Variants in MVB12A observed in about 807,000 individuals in gnomAD.
The protein encoded by MVB12A is multivesicular body subunit 12A.
MVB12A carries 30 observed loss-of-function variants against 34.3 expected under a neutral mutation model. The ratio of observed to expected loss-of-function variants is 0.88; its 90% CI spans 0.65 to 1.19. The LOEUF is 1.19. MVB12A is among the 50% of genes most tolerant of loss of function. The pLI is 0.00. For missense variants in MVB12A, 355 were observed against 369.2 expected (o/e 0.96, Z 0.31); for synonymous variants, 158 against 158.9 (o/e 0.99, Z 0.04).
chr19:17,416,996 A>G (rs1489582071), upstream of MVB12A: 5 of 308,574 alleles, frequency 1.6e-5, no homozygotes, highest in Middle Eastern at 1.2e-3. Context: ...CCTGGCATAG[A>G]AAGTTTTTCT....
rs761983601 is a variant in MVB12A at position 17,424,912 on chromosome 19, C to T, written c.760-19C>T. ...CTTTACTCTGGCACCTGTTCACTCTCTCTCTCCCCATCCCCCAGTATAACT... is the reference window on the plus strand; with the variant it reads ...CTTTACTCTGGCACCTGTTCACTCTTTCTCTCCCCATCCCCCAGTATAACT... On this transcript the variant is annotated intron_variant, in intron 8 of 8. Coordinates refer to ENST00000317040, the MANE Select transcript of MVB12A (RefSeq NM_138401.4). 6.9e-6 allele frequency: 11 copies of T among 1,592,350 alleles called. No individual in the cohort carries two copies. Among genetic ancestry groups the T allele is most frequent in the Non-Finnish European group, 9.4e-6 (11 of 1,167,488 alleles).
upstream of MVB12A, chr19:17,417,801 G>A: frequency 3.6e-6 from 1 of 278,374 alleles, no homozygotes; most frequent in Non-Finnish European, 7.5e-6. Context: ...CATCAAATTT[G>A]GACTTCTCTT....
At chr19:17,415,421 A>G (rs1483504923), upstream of MVB12A, 1 of 152,260 alleles carries the variant, frequency 6.6e-6, no homozygotes, top group East Asian at 1.9e-4. Flanking sequence ...TCAAAAGCAT[A>G]ACAACATAAA....
In MVB12A at chr19:17,423,642, G is replaced by A. The variant is rs1369085854; in HGVS notation, c.533+25G>A. The A allele has an allele frequency of 6.2e-7, 1 of 1,613,522 alleles. No individual in the cohort carries two copies. The highest frequency in any genetic ancestry group is 2.2e-5 in the East Asian group (1 of 44,868). On this transcript the variant is annotated intron_variant, in intron 5 of 8. Transcript: ENST00000317040. ...GGTGAGTCCTCAGGCACCGGAGTGGGGGTGGCCGTTGTGGGAGGATGAGGC... is the reference window on the plus strand; with the variant it reads ...GGTGAGTCCTCAGGCACCGGAGTGGAGGTGGCCGTTGTGGGAGGATGAGGC...
intron 3 of MVB12A, 196 bp downstream of exon 3, chr19:17,420,830 G>T: frequency 1.5e-6 from 1 of 646,970 alleles, no homozygotes; most frequent in Non-Finnish European, 2.8e-6. Context: ...TGTGTGATAT[G>T]ATTGGCACAG....
chr19:17,422,563 T>C lies in MVB12A; in HGVS notation c.413+105T>C, dbSNP rs2074845154. 6.2e-6 allele frequency: 7 copies of C among 1,131,150 alleles called. No homozygotes were observed. The East Asian group carries it at 1.3e-4, about 21-fold the overall frequency. 70.1% of individuals were successfully genotyped at this position (1,131,150 alleles called of 1,614,324 possible). ...CCCTGAGGTCTCCTGTTCCTTCTTCTACCTTCTGAGCCTCAGATTCTGCAT... is the reference window on the plus strand; with the variant it reads ...CCCTGAGGTCTCCTGTTCCTTCTTCCACCTTCTGAGCCTCAGATTCTGCAT... On this transcript the variant is annotated intron_variant, in intron 4 of 8. Coordinates refer to ENST00000317040, the MANE Select transcript of MVB12A (RefSeq NM_138401.4).
At chr19:17,424,753 TC>T in intron 8 of MVB12A, 76 bp downstream of exon 8, 2 of 1,521,572 alleles carry the variant, frequency 1.3e-6, no homozygotes, top group Non-Finnish European at 8.9e-7. Flanking sequence ...CCGCCCCTCG[TC>T]CGCCCCAGGC....
chr19:17,411,738 C>T (rs931680962), intron 2 of MVB12A, among the ~76,000 whole-genome samples: 2 of 152,064 alleles, frequency 1.3e-5, no homozygotes, highest in Middle Eastern at 3.4e-3. Context: ...TCATGTCATC[C>T]TCCTTCCTCA....
intron 2 of MVB12A, chr19:17,412,960 A>C (rs981264208): frequency 2.0e-5 from 3 of 152,170 alleles, no homozygotes; most frequent in African/African-American, 7.2e-5. Context: ...TGTAAACCTA[A>C]GGTTACGTAT....
In MVB12A at chr19:17,410,575, T is replaced by TACAC. The variant is rs1287230364; in HGVS notation, c.-5+4282_-5+4283insCACA. ...ACACACACATATATATACATATATA[T>TACAC]ACATATATATATACACACATATATA... On this transcript the variant is annotated intron_variant, in intron 2 of 6. Transcript: ENST00000528604. Among the ~76,000 whole-genome samples, 28 of 120,730 alleles carry TACAC rather than the reference T, an allele frequency of 2.3e-4. 1 individual carries two copies. Among genetic ancestry groups the TACAC allele is most frequent in the African/African-American group, 8.8e-4 (21 of 23,942 alleles). 79.2% of individuals were successfully genotyped at this position (120,730 alleles called of 152,430 possible).
intron 7 of MVB12A, 132 bp downstream of exon 7, chr19:17,424,199 G>C: frequency 1.2e-6 from 1 of 848,990 alleles, no homozygotes; most frequent in Non-Finnish European, 1.9e-6. Context: ...TCACCTCCAG[G>C]TGGCAGCTGG....
Position 17,420,155 on chromosome 19 carries a change from C to T in MVB12A, c.20C>T (p.Thr7Ile). 5.8e-6 allele frequency: 8 copies of T among 1,386,440 alleles called. No individual in the cohort carries two copies. The highest frequency in any genetic ancestry group is 6.5e-6 in the Non-Finnish European group (7 of 1,076,162). The allele number at this position is 1,386,440 out of a possible 1,614,324, so 85.9% of individuals were successfully genotyped here. The part of the protein sequence containing the change: MDPVPG[T>I]DSAPLAGLAW... Reference sequence around the variant, plus strand: ...CGCAGGATGGATCCCGTACCCGGGACAGACTCGGCGCCGCTGGCTGGCCTG... The same window carrying T: ...CGCAGGATGGATCCCGTACCCGGGATAGACTCGGCGCCGCTGGCTGGCCTG... The change falls in exon 1 of 9, where the codon ACA becomes ATA. Residue 7 changes from threonine (T) to isoleucine (I), a missense_variant. Thr to Ile is a moderately conservative substitution (Grantham distance 89). Transcript: ENST00000317040.
intron 2 of MVB12A, among the ~76,000 whole-genome samples, chr19:17,409,513 A>C (rs576228377): frequency 7.1e-6 from 1 of 139,936 alleles, no homozygotes; most frequent in Non-Finnish European, 1.5e-5. Flanking sequence ...CAATGATGCA[A>C]TCTTAGCTCA....
At chr19:17,420,808 C>T (rs1184734678) in intron 3 of MVB12A, 174 bp downstream of exon 3, 1 of 641,524 alleles carries the variant, frequency 1.6e-6, no homozygotes, top group Non-Finnish European at 2.8e-6. Flanking sequence ...CATCCCCTGT[C>T]CTGATTCAAA....
chr19:17,423,884 T>C (rs2288408), intron 6 of MVB12A, 85 bp downstream of exon 6: 1,488,806 of 1,558,240 alleles, frequency 0.96, 715,992 homozygotes, highest in Non-Finnish European at 0.98. Flanking sequence ...ATCTTCCTAC[T>C]TCCCTCTCCC....
chr19:17,422,284 C>T (rs753484274), intron 3 of MVB12A, 48 bp from the exon 4 acceptor site: 7 of 1,577,974 alleles, frequency 4.4e-6, no homozygotes, highest in African/African-American at 1.3e-5. Flanking sequence ...TGGGCCTTCC[C>T]ACCCCTGCCT....
upstream of MVB12A, chr19:17,417,132 AT>A (rs1172672756): frequency 4.1e-6 from 1 of 245,612 alleles, no homozygotes; most frequent in African/African-American, 2.6e-5. Context: ...TCTTCCTCAT[AT>A]TTCTTCTTCA....
Position 17,425,078 on chromosome 19 carries a change from AC to A in MVB12A, c.*90del. On this transcript the variant is annotated 3_prime_UTR_variant, in exon 9 of 9. Coordinates refer to ENST00000317040, the MANE Select transcript of MVB12A (RefSeq NM_138401.4). ...CCCCCCCTCACTGCATCCTGGGGCC[AC>A]CCCCACTCACTGCATCCTGGGAACC... The A allele has an allele frequency of 2.1e-6, 1 of 465,978 alleles. No homozygotes were observed. Among genetic ancestry groups the A allele is most frequent in the Non-Finnish European group, 3.4e-6 (1 of 293,970 alleles). 28.9% of individuals were successfully genotyped at this position (465,978 alleles called of 1,614,324 possible). A position where few individuals can be genotyped will look rare whatever the true frequency, so the allele number is the denominator to read the frequency against.
At chr19:17,420,256 G>C (rs751797077) in intron 1 of MVB12A, 31 bp downstream of exon 1, 2 of 1,531,798 alleles carry the variant, frequency 1.3e-6, no homozygotes, top group East Asian at 4.7e-5. Flanking sequence ...GGGGTCGAAT[G>C]GGGGAGGCAG....
Sources: gnomAD v4.1 joint callset for allele counts (sites outside exome capture counted in the v4.1 genomes callset) on GRCh38, gnomAD v4.1.1 for gene constraint, MANE v1.5 for transcripts, NCBI Gene and HGNC (gene_info 2026-07-23, HGNC 2026-07-21) for gene names.